Variants in VPS13B observed in about 807,000 individuals in gnomAD.
The protein encoded by VPS13B is intermembrane lipid transfer protein VPS13B.
Under a neutral mutation model 426.4 loss-of-function variants are expected in VPS13B, and 285 were observed. The ratio of observed to expected loss-of-function variants is 0.67; its 90% CI spans 0.61 to 0.74. The LOEUF (loss-of-function observed/expected upper bound fraction) is 0.74, where lower values mean the gene tolerates loss of function less well. VPS13B is among the 30% of genes least tolerant of loss of function. The pLI is 0.00. For synonymous variants in VPS13B, 1,676 were observed against 1,676.4 expected, an observed-to-expected ratio of 1.00 and a Z score of 0.01; for missense variants, 4,537 against 4,782.6, an observed-to-expected ratio of 0.95 and a Z score of 1.51.
chr8:99,815,955 C>T lies in VPS13B; in HGVS notation c.8098-1585C>T, dbSNP rs185036996. ...CGAGTGATACTCCTGCCTCAGCCTC[C>T]CAAGTAGCTGTGACTACAGGCATAC... On this transcript the variant is annotated intron_variant, in intron 44 of 61. Transcript: ENST00000357162. 8.1e-3 allele frequency among the ~76,000 whole-genome samples: 1,226 copies of T among 152,228 alleles called. 20 individuals carry two copies. Among genetic ancestry groups the T allele is most frequent in the African/African-American group, 0.028 (1,155 of 41,510 alleles).
At chr8:99,562,224 T>C (rs992975156) in intron 31 of VPS13B, among the ~76,000 whole-genome samples, 3 of 152,198 alleles carry the variant, frequency 2.0e-5, no homozygotes, top group Non-Finnish European at 4.4e-5. Flanking sequence ...GTGTGCTTGT[T>C]GGCTGTTTGT....
intron 31 of VPS13B, among the ~76,000 whole-genome samples, chr8:99,559,666 C>A (rs1248628569): frequency 1.3e-5 from 2 of 152,152 alleles, no homozygotes; most frequent in Non-Finnish European, 2.9e-5. Flanking sequence ...TATAGGAAAT[C>A]CTTTCCCCAT....
intron 1 of VPS13B, 26 bp from the exon 2 acceptor site, chr8:99,013,734 C>A (rs1841443662): frequency 6.2e-7 from 1 of 1,611,468 alleles, no homozygotes; most frequent in East Asian, 2.2e-5. Flanking sequence ...CCGCCGACTT[C>A]TAACGTTTCT....
chr8:99,183,919 A>G (rs1368632323), intron 16 of VPS13B, among the ~76,000 whole-genome samples: 1 of 152,124 alleles, frequency 6.6e-6, no homozygotes, highest in Non-Finnish European at 1.5e-5. Context: ...TCTTACCCCA[A>G]CTTCAAGGAA....
intron 30 of VPS13B, among the ~76,000 whole-genome samples, chr8:99,539,511 C>A (rs1823445770): frequency 6.6e-6 from 1 of 152,018 alleles, no homozygotes; most frequent in Non-Finnish European, 1.5e-5. Context: ...TTTGGGAGGC[C>A]AAGGTGGGAG....
intron 28 of VPS13B, among the ~76,000 whole-genome samples, chr8:99,509,759 A>G (rs543965852): frequency 6.6e-6 from 1 of 152,326 alleles, no homozygotes; most frequent in Non-Finnish European, 1.5e-5. Context: ...AAAGAGGGGC[A>G]GGGAATGTGG....
intron 30 of VPS13B, among the ~76,000 whole-genome samples, chr8:99,551,422 T>G (rs1244028514): frequency 6.6e-6 from 1 of 152,050 alleles, no homozygotes; most frequent in African/African-American, 2.4e-5. Context: ...ATTGATTTAT[T>G]AAATGCAATC....
chr8:99,037,455 GAT>G (rs1244512758), intron 2 of VPS13B, among the ~76,000 whole-genome samples: 3 of 152,052 alleles, frequency 2.0e-5, no homozygotes, highest in Non-Finnish European at 4.4e-5. Context: ...CTGAGGCACA[GAT>G]ACAATAAACT....
chr8:99,659,233 G>A (rs569839659), intron 34 of VPS13B, among the ~76,000 whole-genome samples: 145 of 152,080 alleles, frequency 9.5e-4, no homozygotes, highest in South Asian at 3.7e-3. Context: ...TTTTTAAAAT[G>A]TTTATATGCC....
intron 24 of VPS13B, among the ~76,000 whole-genome samples, chr8:99,468,170 G>T (rs1819212599): frequency 6.6e-6 from 1 of 152,046 alleles, no homozygotes; most frequent in South Asian, 2.1e-4. Flanking sequence ...CGACAGGCCT[G>T]AGTGTGTGAT....
chr8:99,648,813 G>A (rs767362341), intron 34 of VPS13B, among the ~76,000 whole-genome samples: 17 of 152,132 alleles, frequency 1.1e-4, no homozygotes, highest in Non-Finnish European at 2.4e-4. Context: ...CATTTACCAT[G>A]TTCAGTGCTC....
chr8:99,615,453 A>G (rs1225173582), intron 33 of VPS13B, among the ~76,000 whole-genome samples: 3 of 152,208 alleles, frequency 2.0e-5, no homozygotes, highest in African/African-American at 7.2e-5. Context: ...AATTATGCTC[A>G]TTGAAAACAA....
At chr8:99,398,805 G>A (rs1190686996) in intron 21 of VPS13B, among the ~76,000 whole-genome samples, 1 of 143,750 alleles carries the variant, frequency 7.0e-6, no homozygotes. Flanking sequence ...GTATTTAGGT[G>A]GGACAAGTAT....
chr8:99,711,715 G>A (rs1020838476), intron 36 of VPS13B, among the ~76,000 whole-genome samples: 1 of 152,338 alleles, frequency 6.6e-6, no homozygotes, highest in Non-Finnish European at 1.5e-5. Flanking sequence ...GTTCTGGGAT[G>A]TCTCTTCCCC....
At chr8:99,773,551 C>A (rs1811613400) in intron 40 of VPS13B, among the ~76,000 whole-genome samples, 1 of 152,128 alleles carries the variant, frequency 6.6e-6, no homozygotes, top group South Asian at 2.1e-4. Flanking sequence ...TGGTAAGTAA[C>A]TCTTTGGCTA....
chr8:99,830,619 CGCTG>C (rs1814986240), intron 51 of VPS13B, among the ~76,000 whole-genome samples: 1 of 152,070 alleles, frequency 6.6e-6, no homozygotes, highest in South Asian at 2.1e-4. Flanking sequence ...GATTCTGTCT[CGCTG>C]GCATTCCAGG....
intron 39 of VPS13B, among the ~76,000 whole-genome samples, chr8:99,736,881 T>G (rs1441554084): frequency 6.6e-6 from 1 of 152,110 alleles, no homozygotes; most frequent in African/African-American, 2.4e-5. Flanking sequence ...TTATAAAAAC[T>G]GTTACCATTC....
At chr8:99,494,828 T>C (rs990653027) in intron 25 of VPS13B, among the ~76,000 whole-genome samples, 4 of 152,150 alleles carry the variant, frequency 2.6e-5, no homozygotes, top group Non-Finnish European at 4.4e-5. Flanking sequence ...ACCTCTAACA[T>C]TCTTTTGGCT....
intron 35 of VPS13B, among the ~76,000 whole-genome samples, chr8:99,693,276 C>T (rs1399234317): frequency 6.7e-6 from 1 of 150,008 alleles, no homozygotes; most frequent in East Asian, 2.0e-4. Flanking sequence ...CCTTGATGAA[C>T]ATTGATGCAA....
Sources: allele counts gnomAD v4.1 joint callset (sites outside exome capture counted in the v4.1 genomes callset), GRCh38; gene constraint gnomAD v4.1.1; transcripts MANE v1.5; gene names NCBI Gene and HGNC (gene_info 2026-07-23, HGNC 2026-07-21).